SEC22A: variants seen among roughly 807,000 people sequenced by gnomAD.
The protein encoded by SEC22A is SEC22 homolog A, vesicle trafficking protein.
Under a neutral mutation model 35.3 loss-of-function variants are expected in SEC22A, and 22 were observed. That is an observed-to-expected ratio of 0.62 (90% confidence interval 0.45 to 0.89). The LOEUF is 0.89. Among genes scored for constraint, SEC22A ranks in the 40% least tolerant of loss-of-function variants. The pLI, the probability that SEC22A is intolerant of heterozygous loss-of-function variation, is 0.00. For synonymous variants in SEC22A, 119 were observed against 129.5 expected (o/e 0.92, Z 0.55); for missense variants, 354 against 362.5 (o/e 0.98, Z 0.19).
chr3:123,260,544 GAGGCACACATTTGTAGGAAAGGA>G, intron 6 of SEC22A, among the ~76,000 whole-genome samples: 1 of 152,316 alleles, frequency 6.6e-6, no homozygotes, highest in South Asian at 2.1e-4. Context: ...AAGGCCAGAG[GAGGCACACATTTGTAGGAAAGGA>G]AGTTACCAGT....
At chr3:123,234,678 G>A (rs1264198854) in intron 4 of SEC22A, among the ~76,000 whole-genome samples, 1 of 152,082 alleles carries the variant, frequency 6.6e-6, no homozygotes, top group Non-Finnish European at 1.5e-5. Flanking sequence ...ATAAATCTTT[G>A]TATAATCTTA....
At chr3:123,226,767 T>C (rs1035967432) in intron 4 of SEC22A, among the ~76,000 whole-genome samples, 8 of 152,326 alleles carry the variant, frequency 5.3e-5, no homozygotes, top group Non-Finnish European at 8.8e-5. Context: ...ACTTGTGGGG[T>C]ATTACTCAAG....
intron 2 of SEC22A, among the ~76,000 whole-genome samples, chr3:123,214,182 G>A (rs1936985675): frequency 6.6e-6 from 1 of 152,132 alleles, no homozygotes; most frequent in Non-Finnish European, 1.5e-5. Flanking sequence ...GCAACAGAGT[G>A]AGACTCTGCC....
chr3:123,225,253 C>T lies in SEC22A; in HGVS notation c.497C>T (p.Ser166Leu). The T allele has an allele frequency of 6.2e-7, 1 of 1,613,252 alleles. No individual in the cohort carries two copies. The highest frequency in any genetic ancestry group is 8.5e-7 in the Non-Finnish European group (1 of 1,179,384). The change falls in exon 4 of 7, where the codon TCA becomes TTA. Residue 166 changes from serine (S) to leucine (L), a missense_variant. Coordinates refer to ENST00000492595, the MANE Select transcript of SEC22A (RefSeq NM_012430.5). The stretch of plus-strand genomic sequence containing the variant: ...CTGGGGTCAGCCAATGGAGTCACAT[C>T]AGCATTTTCTGTTGACTGTAAAGGT... ...CELGSANGVT[S>L]AFSVDCKGAG...
chr3:123,239,057 C>T (rs1316575201), intron 4 of SEC22A, among the ~76,000 whole-genome samples: 1 of 151,890 alleles, frequency 6.6e-6, no homozygotes, highest in Non-Finnish European at 1.5e-5. Flanking sequence ...ATATTTTTTT[C>T]TTGTTTAAGG....
chr3:123,214,888 G>A lies in SEC22A; in HGVS notation c.182+5489G>A, dbSNP rs368307329. On this transcript the variant is annotated intron_variant, in intron 2 of 6. Coordinates refer to ENST00000492595, the MANE Select transcript of SEC22A (RefSeq NM_012430.5). ...TGAATTCATTTGAAGCCGTATAATCGCTGTGAGCCTCCTAATGTTTTTTCC... is the reference window on the plus strand; with the variant it reads ...TGAATTCATTTGAAGCCGTATAATCACTGTGAGCCTCCTAATGTTTTTTCC... Among the ~76,000 whole-genome samples, 7 of 151,960 alleles carry A rather than the reference G, an allele frequency of 4.6e-5. No homozygotes were observed. The East Asian group carries it at 5.8e-4, about 13-fold the overall frequency.
chr3:123,259,481 C>T (rs1369480370), intron 5 of SEC22A, 43 bp from the exon 6 acceptor site: 2 of 1,396,926 alleles, frequency 1.4e-6, no homozygotes, highest in Non-Finnish European at 2.0e-6. Context: ...TGGAAATGGG[C>T]TCCCACCGGA....
At chr3:123,204,196 CATTTA>C (rs1320971990) in intron 1 of SEC22A, among the ~76,000 whole-genome samples, 2 of 152,244 alleles carry the variant, frequency 1.3e-5, no homozygotes, top group East Asian at 1.9e-4. Context: ...GAAACAAGTT[CATTTA>C]ATTTAAATTA....
chr3:123,227,503 A>G (rs543052220), intron 4 of SEC22A, among the ~76,000 whole-genome samples: 51 of 152,182 alleles, frequency 3.4e-4, no homozygotes, highest in Non-Finnish European at 6.5e-4. Context: ...AATACCTAAT[A>G]TAGATGATGG....
At chr3:123,247,685 T>A (rs756907295) in intron 5 of SEC22A, among the ~76,000 whole-genome samples, 3 of 152,180 alleles carry the variant, frequency 2.0e-5, no homozygotes, top group Non-Finnish European at 2.9e-5. Flanking sequence ...GTTTTAGGTT[T>A]CAGAAGAACA....
rs140220526 is a variant in SEC22A at position 123,245,908 on chromosome 3, G to A, written c.551G>A (p.Arg184Gln). The change falls in exon 5 of 7, where the codon CGA becomes CAA. Residue 184 changes from arginine to glutamine, a missense_variant. Transcript: ENST00000492595. ...GAGKISSAHQ[R>Q]LEPATLSGIV... Reference sequence around the variant, plus strand: ...TTCTTTTATTTTCCAGCTCACCAGCGACTGGAACCAGCAACTCTGTCAGGG... The same window carrying A: ...TTCTTTTATTTTCCAGCTCACCAGCAACTGGAACCAGCAACTCTGTCAGGG... The A allele has an allele frequency of 1.9e-5, 30 of 1,593,660 alleles. No homozygotes were observed. The highest frequency in any genetic ancestry group is 3.4e-5 in the Admixed American group (2 of 59,380).
chr3:123,260,839 C>CTTTTTTTTTTTTTTTTT (rs11293756), intron 6 of SEC22A, among the ~76,000 whole-genome samples: 1 of 134,662 alleles, frequency 7.4e-6, no homozygotes, highest in African/African-American at 2.7e-5. Context: ...TTTTCTTTTT[C>CTTTTTTTTTTTTTTTTT]TTTTTTTTTT....
chr3:123,238,021 G>T (rs552610406), intron 4 of SEC22A, among the ~76,000 whole-genome samples: 1 of 152,062 alleles, frequency 6.6e-6, no homozygotes, highest in African/African-American at 2.4e-5. Context: ...AGACATGGTG[G>T]CACGTGACTG....
intron 2 of SEC22A, among the ~76,000 whole-genome samples, chr3:123,223,202 C>G (rs1233324724): frequency 1.3e-5 from 2 of 152,146 alleles, no homozygotes; most frequent in African/African-American, 4.8e-5. Context: ...TGAAAGGGTT[C>G]TGGACTCAAA....
intron 4 of SEC22A, among the ~76,000 whole-genome samples, chr3:123,230,592 C>A (rs887686562): frequency 6.7e-6 from 1 of 149,790 alleles, no homozygotes; most frequent in Admixed American, 6.7e-5. Flanking sequence ...AGTATAAATT[C>A]TTGCAGTTAA....
In SEC22A at chr3:123,209,291, A is replaced by G. The variant is rs1309496771; in HGVS notation, c.74A>G (p.Glu25Gly). The change falls in exon 2 of 7, where the codon GAA becomes GGA. Residue 25 changes from glutamate to glycine, a missense_variant. Coordinates refer to ENST00000492595, the MANE Select transcript of SEC22A (RefSeq NM_012430.5). ...CCACTTTCTGCTTCTACTGATTATG[A>G]ACAAAGCACAGGAATGCAGGAGTGC... ...GLPLSASTDYEQSTGMQECRK... is the reference protein window; with the variant it reads ...GLPLSASTDYGQSTGMQECRK... 1 of 1,614,066 alleles carries G rather than the reference A, an allele frequency of 6.2e-7. No individual in the cohort carries two copies. Among genetic ancestry groups the G allele is most frequent in the South Asian group, 1.1e-5 (1 of 91,082 alleles).
chr3:123,217,858 A>G (rs565054319), intron 2 of SEC22A, among the ~76,000 whole-genome samples: 1 of 152,332 alleles, frequency 6.6e-6, no homozygotes, highest in South Asian at 2.1e-4. Flanking sequence ...GGCAGGGACT[A>G]TATCTTTGAC....
At chr3:123,250,848 A>T (rs982946846) in intron 5 of SEC22A, among the ~76,000 whole-genome samples, 2 of 152,236 alleles carry the variant, frequency 1.3e-5, no homozygotes, top group Non-Finnish European at 2.9e-5. Flanking sequence ...TGCATAAAGA[A>T]ACTGGAAAGA....
rs780842734 is a variant in SEC22A at position 123,209,397 on chromosome 3, T to C, written c.180T>C (p.Ile60=). ...CACTGAAAACTGGACATTATAACATTAAGTAAGACTTCAGTTTGCTTCATT... is the reference window on the plus strand; with the variant it reads ...CACTGAAAACTGGACATTATAACATCAAGTAAGACTTCAGTTTGCTTCATT... ...RCTLKTGHYN[I]NFISSLGVSY... is the part of the protein sequence containing the mutation. Residue 60 remains isoleucine, a splice_region_variant and synonymous_variant, in exon 2 of 7, where the codon ATT becomes ATC. Transcript: ENST00000492595. 1.9e-6 allele frequency: 3 copies of C among 1,604,692 alleles called. No individual in the cohort carries two copies. Among genetic ancestry groups the C allele is most frequent in the East Asian group, 2.2e-5 (1 of 44,638 alleles).
Sources: allele counts gnomAD v4.1 joint callset (sites outside exome capture counted in the v4.1 genomes callset), GRCh38; gene constraint gnomAD v4.1.1; transcripts MANE v1.5; gene names NCBI Gene and HGNC (gene_info 2026-07-23, HGNC 2026-07-21).